Variants in RAB22A observed in about 807,000 individuals in gnomAD.
RAB22A encodes the protein ras-related protein Rab-22A.
A neutral mutation model predicts 30.2 loss-of-function variants in RAB22A; 13 were observed. The observed-to-expected ratio is 0.43, with a 90% CI of 0.28 to 0.68. The LOEUF (loss-of-function observed/expected upper bound fraction) is 0.68. RAB22A is among the 30% of genes least tolerant of loss of function. The probability of loss-of-function intolerance (pLI) is 0.18; values close to 1 mark genes in which losing one functional copy is unlikely to be tolerated. For missense variants in RAB22A, 177 were observed against 246.8 expected (o/e 0.72, Z 1.89); for synonymous variants, 89 against 87.2 (o/e 1.02, Z -0.11).
At chr20:58,340,351 C>T (rs540410591) in intron 2 of RAB22A, among the ~76,000 whole-genome samples, 1 of 152,274 alleles carries the variant, frequency 6.6e-6, no homozygotes, top group African/African-American at 2.4e-5. Flanking sequence ...CTTGGGCGTA[C>T]TCAGCCTTGC....
chr20:58,350,627 G>A (rs1252547820), intron 3 of RAB22A, among the ~76,000 whole-genome samples: 1 of 152,178 alleles, frequency 6.6e-6, no homozygotes, highest in Non-Finnish European at 1.5e-5. Flanking sequence ...AGAAGCCAGA[G>A]GAACAGGATC....
chr20:58,310,896 A>G, intron 1 of RAB22A, 147 bp from the exon 2 acceptor site: 2 of 677,150 alleles, frequency 3.0e-6, no homozygotes, highest in South Asian at 3.6e-5. Context: ...CTGAATTTTT[A>G]TGACAACCGC....
At chr20:58,356,758 T>C (rs1045777372) in intron 6 of RAB22A, among the ~76,000 whole-genome samples, 1 of 152,218 alleles carries the variant, frequency 6.6e-6, no homozygotes, top group African/African-American at 2.4e-5. Flanking sequence ...GTCTGGCTTC[T>C]TTCATTCTGC....
Position 58,360,335 on chromosome 20 carries a change from C to T in RAB22A, c.*632C>T, listed in dbSNP as rs1987204955. On this transcript the variant is annotated 3_prime_UTR_variant, in exon 7 of 7. Transcript: ENST00000244040. ...TGCCTAGCTCATCCTGGGTTTGCTT[C>T]TGACCTTGTCATGTGTGTGCCACCA... 1 of 152,644 alleles carries T rather than the reference C, an allele frequency of 6.6e-6. No individual in the cohort carries two copies. The highest frequency in any genetic ancestry group is 6.5e-5 in the Admixed American group (1 of 15,286). 9.5% of individuals were successfully genotyped at this position (152,644 alleles called of 1,614,324 possible).
intron 2 of RAB22A, among the ~76,000 whole-genome samples, chr20:58,333,447 G>A (rs1986695508): frequency 6.6e-6 from 1 of 152,046 alleles, no homozygotes; most frequent in Non-Finnish European, 1.5e-5. Flanking sequence ...TCTACAGTAG[G>A]CCCATATCAA....
In RAB22A at chr20:58,343,630, G is replaced by A. The variant is rs746147556; in HGVS notation, c.117-88G>A. 5.9e-5 allele frequency: 58 copies of A among 975,524 alleles called. 1 individual carries two copies. Among genetic ancestry groups the A allele is most frequent in the Non-Finnish European group, 8.4e-5 (52 of 618,232 alleles). 60.4% of individuals were successfully genotyped at this position (975,524 alleles called of 1,614,324 possible). A position where few individuals can be genotyped will look rare whatever the true frequency, so the allele number is the denominator to read the frequency against. ...ACAGCGTGGTGCTGGGAGACTGAGC[G>A]TTGGTTGAGTCTAAGTGATGTTTCC... is the stretch of plus-strand genomic sequence containing the variant. On this transcript the variant is annotated intron_variant, in intron 2 of 6. Coordinates refer to ENST00000244040, the MANE Select transcript of RAB22A (RefSeq NM_020673.3).
chr20:58,338,810 G>T (rs570101581), intron 2 of RAB22A, among the ~76,000 whole-genome samples: 11 of 152,262 alleles, frequency 7.2e-5, no homozygotes, highest in African/African-American at 2.4e-4. Flanking sequence ...TCTCAATCTT[G>T]GTATTCAGTG....
In RAB22A at chr20:58,354,138, G is replaced by A; in HGVS notation, c.378-18G>A. 6.4e-7 allele frequency: 1 copy of A among 1,567,828 alleles called. No individual in the cohort carries two copies. The highest frequency in any genetic ancestry group is 8.8e-7 in the Non-Finnish European group (1 of 1,139,852). ...TCTTCATGGGTAGAATTTCTGATAT[G>A]TAGTTGTTGCCTTCCAGAGAAGTCA... On this transcript the variant is annotated intron_variant, in intron 5 of 6. Transcript: ENST00000244040.
At chr20:58,326,758 T>C (rs959123463) in intron 2 of RAB22A, among the ~76,000 whole-genome samples, 1 of 152,226 alleles carries the variant, frequency 6.6e-6, no homozygotes, top group Non-Finnish European at 1.5e-5. Context: ...ATTATTTACA[T>C]ACACAATCAT....
chr20:58,367,085 A>G lies in RAB22A; in HGVS notation c.*7382A>G, dbSNP rs904913167. 10 of 152,660 alleles carry G rather than the reference A, an allele frequency of 6.6e-5. No homozygotes were observed. The highest frequency in any genetic ancestry group is 2.2e-4 in the African/African-American group (9 of 41,462). The allele number at this position is 152,660 out of a possible 1,614,324, so 9.5% of individuals were successfully genotyped here. A position where few individuals can be genotyped will look rare whatever the true frequency, so the allele number is the denominator to read the frequency against. ...ACAGTTTTGGCCGCTTTGTAGCACTATTATAAACAGCCCAAATTTATGGCC... is the reference window on the plus strand; with the variant it reads ...ACAGTTTTGGCCGCTTTGTAGCACTGTTATAAACAGCCCAAATTTATGGCC... On this transcript the variant is annotated 3_prime_UTR_variant, in exon 7 of 7. Coordinates refer to ENST00000244040, the MANE Select transcript of RAB22A (RefSeq NM_020673.3).
chr20:58,337,407 A>G (rs550091027), intron 2 of RAB22A, among the ~76,000 whole-genome samples: 5 of 152,182 alleles, frequency 3.3e-5, no homozygotes, highest in Non-Finnish European at 5.9e-5. Context: ...TCTCCATCAC[A>G]AGATCCTCAA....
At chr20:58,341,923 A>C (rs1986860737) in intron 2 of RAB22A, among the ~76,000 whole-genome samples, 1 of 152,196 alleles carries the variant, frequency 6.6e-6, no homozygotes, top group Non-Finnish European at 1.5e-5. Flanking sequence ...GTTGTCACTC[A>C]TAAATGTAAC....
chr20:58,312,472 CTTTTTTTTTTTTTTTTTTTTTTT>C (rs58198236), intron 2 of RAB22A, among the ~76,000 whole-genome samples: 1 of 38,710 alleles, frequency 2.6e-5, no homozygotes. Flanking sequence ...GGCTGGTTTT[CTTTTTTTTTTTTTTTTTTTTTTT>C]TTTTTTTTTT....
Position 58,353,553 on chromosome 20 carries a change from C to T in RAB22A, c.377+15C>T, listed in dbSNP as rs369372280. ...ATCGATGTAAGGTAAGTTATTAGAA[C>T]GAGAGATTACAATACCTATTATGTG... On this transcript the variant is annotated intron_variant, in intron 5 of 6. Coordinates refer to ENST00000244040, the MANE Select transcript of RAB22A (RefSeq NM_020673.3). 17 of 1,534,436 alleles carry T rather than the reference C, an allele frequency of 1.1e-5. No homozygotes were observed. Among genetic ancestry groups the T allele is most frequent in the South Asian group, 2.2e-5 (2 of 89,206 alleles).
At chr20:58,313,182 C>T (rs1986266011) in intron 2 of RAB22A, among the ~76,000 whole-genome samples, 1 of 152,192 alleles carries the variant, frequency 6.6e-6, no homozygotes, top group South Asian at 2.1e-4. Context: ...GTCCACTGTT[C>T]CCTTTTTGCC....
chr20:58,312,055 A>T (rs1220227856), intron 2 of RAB22A, among the ~76,000 whole-genome samples: 1 of 152,114 alleles, frequency 6.6e-6, no homozygotes, highest in Non-Finnish European at 1.5e-5. Flanking sequence ...TCCCGGGTTC[A>T]AGCGATTCTC....
At chr20:58,347,478 A>G (rs944071627) in intron 3 of RAB22A, among the ~76,000 whole-genome samples, 3 of 152,190 alleles carry the variant, frequency 2.0e-5, no homozygotes, top group African/African-American at 7.2e-5. Flanking sequence ...GCCCTCAAAT[A>G]TTTTTGTAAA....
chr20:58,338,337 A>G (rs894795154), intron 2 of RAB22A, among the ~76,000 whole-genome samples: 2 of 152,060 alleles, frequency 1.3e-5, no homozygotes, highest in Admixed American at 6.6e-5. Flanking sequence ...GTTTAAAGAA[A>G]TCTTTTCCTT....
chr20:58,350,324 C>A (rs556167875), intron 3 of RAB22A, among the ~76,000 whole-genome samples: 2 of 152,122 alleles, frequency 1.3e-5, no homozygotes, highest in South Asian at 4.2e-4. Flanking sequence ...AACAGTCTAA[C>A]GTATGTGTAA....
Sources: allele counts gnomAD v4.1 joint callset (sites outside exome capture counted in the v4.1 genomes callset), GRCh38; gene constraint gnomAD v4.1.1; transcripts MANE v1.5; gene names NCBI Gene and HGNC (gene_info 2026-07-23, HGNC 2026-07-21).